The following CDH11 variants were observed in gnomAD, a reference collection of about 807,000 sequenced individuals.
CDH11 encodes the protein cadherin 11.
Under a neutral mutation model 67.8 loss-of-function variants are expected in CDH11, and 11 were observed. The ratio of observed to expected loss-of-function variants is 0.16; its 90% CI spans 0.10 to 0.27. CDH11 has a LOEUF of 0.27. CDH11 is among the 10% of genes least tolerant of loss of function. The pLI, the probability that CDH11 is intolerant of heterozygous loss-of-function variation, is 1.00. For synonymous variants in CDH11, 419 were observed against 400.0 expected (o/e 1.05, Z -0.57); for missense variants, 847 against 1,031.2 (o/e 0.82, Z 2.45).
At chr16:65,012,443 T>C (rs2073202974) in intron 2 of CDH11, among the ~76,000 whole-genome samples, 1 of 152,150 alleles carries the variant, frequency 6.6e-6, no homozygotes, top group African/African-American at 2.4e-5. Context: ...GTGAGGGAAC[T>C]AAAATAGGAA....
chr16:65,090,434 G>T (rs979672214), intron 1 of CDH11, among the ~76,000 whole-genome samples: 4 of 151,916 alleles, frequency 2.6e-5, no homozygotes, highest in African/African-American at 7.3e-5. Context: ...AACAAGTCTT[G>T]GTCCAATCCT....
intron 9 of CDH11, 103 bp from the exon 10 acceptor site, chr16:64,972,167 A>G: frequency 1.0e-6 from 1 of 966,306 alleles, no homozygotes; most frequent in Non-Finnish European, 1.6e-6. Flanking sequence ...CTATCTGGGC[A>G]GTGCAGGGAA....
chr16:64,991,987 A>T (rs2072639902), intron 5 of CDH11, 52 bp from the exon 6 acceptor site: 3 of 1,368,094 alleles, frequency 2.2e-6, no homozygotes, highest in Non-Finnish European at 3.0e-6. Flanking sequence ...ACATTATGAC[A>T]ACAAGAAAGT....
chr16:64,949,431 T>C (rs2071292383), intron 12 of CDH11, among the ~76,000 whole-genome samples: 3 of 148,332 alleles, frequency 2.0e-5, no homozygotes, highest in East Asian at 2.0e-4. Flanking sequence ...TTTTCTTTTT[T>C]TTTTTTTTTT....
intron 1 of CDH11, among the ~76,000 whole-genome samples, chr16:65,083,829 A>C (rs2074651260): frequency 6.6e-6 from 1 of 152,206 alleles, no homozygotes; most frequent in Non-Finnish European, 1.5e-5. Context: ...ATAAATTTAA[A>C]AATTGAATCT....
At chr16:64,991,638 G>C in intron 6 of CDH11, 130 bp downstream of exon 6, 1 of 563,596 alleles carries the variant, frequency 1.8e-6, no homozygotes, top group Non-Finnish European at 3.2e-6. Context: ...GTTTTTGTAA[G>C]AATGATATGA....
At chr16:65,013,973 C>A (rs948966733) in intron 2 of CDH11, among the ~76,000 whole-genome samples, 4 of 152,156 alleles carry the variant, frequency 2.6e-5, no homozygotes, top group Non-Finnish European at 5.9e-5. Flanking sequence ...AAGGCGGGGA[C>A]CTTTTCTTTG....
chr16:64,943,896 C>T lies in CDH11; in HGVS notation c.*3707G>A, dbSNP rs1304759964. 2 of 229,514 alleles carry T rather than the reference C, an allele frequency of 8.7e-6. No individual in the cohort carries two copies. Among genetic ancestry groups the T allele is most frequent in the Non-Finnish European group, 1.7e-5 (2 of 115,720 alleles). 14.2% of individuals were successfully genotyped at this position (229,514 alleles called of 1,614,324 possible). ...TTCTAGTGGGGCAGTCAGTCCCACCCACCCACACACATACATAAAGCCAAA... is the reference window on the plus strand; with the variant it reads ...TTCTAGTGGGGCAGTCAGTCCCACCTACCCACACACATACATAAAGCCAAA... On this transcript the variant is annotated 3_prime_UTR_variant, in exon 13 of 13. Transcript: ENST00000268603.
At chr16:65,089,005 G>C (rs977532714) in intron 1 of CDH11, among the ~76,000 whole-genome samples, 1 of 152,146 alleles carries the variant, frequency 6.6e-6, no homozygotes, top group Non-Finnish European at 1.5e-5. Context: ...GTGCATTTGG[G>C]AATTTTGTTT....
chr16:65,069,126 A>G (rs1261528561), intron 1 of CDH11, among the ~76,000 whole-genome samples: 4 of 152,228 alleles, frequency 2.6e-5, no homozygotes, highest in African/African-American at 9.6e-5. Context: ...TAAAGTTACA[A>G]TTGCCTTGTT....
intron 11 of CDH11, among the ~76,000 whole-genome samples, chr16:64,955,556 T>C (rs940074757): frequency 2.6e-5 from 4 of 152,060 alleles, no homozygotes; most frequent in Admixed American, 6.5e-5. Flanking sequence ...CTGGGCAACA[T>C]AGCGAGACCT....
intron 2 of CDH11, among the ~76,000 whole-genome samples, chr16:65,048,016 G>T (rs973475196): frequency 6.6e-6 from 1 of 152,192 alleles, no homozygotes; most frequent in South Asian, 2.1e-4. Context: ...AAGAAGAGGG[G>T]TTCTTTGGAA....
chr16:65,059,497 G>T (rs1225699269), intron 1 of CDH11: 1 of 152,158 alleles, frequency 6.6e-6, no homozygotes, highest in Admixed American at 6.5e-5. Context: ...AGAGTCCATT[G>T]TCACCATGGT....
intron 2 of CDH11, among the ~76,000 whole-genome samples, chr16:65,019,295 C>G (rs2073376220): frequency 6.6e-6 from 1 of 152,114 alleles, no homozygotes; most frequent in Non-Finnish European, 1.5e-5. Context: ...AGACAGAACT[C>G]CAGGTTGCCA....
chr16:65,009,130 G>C (rs190533530), intron 2 of CDH11, among the ~76,000 whole-genome samples: 1 of 152,264 alleles, frequency 6.6e-6, no homozygotes, highest in Non-Finnish European at 1.5e-5. Flanking sequence ...TTTTACCTAA[G>C]AGAAGGCTGC....
rs1218338629 is a variant in CDH11 at position 64,946,545 on chromosome 16, A to G, written c.*1058T>C. The stretch of plus-strand genomic sequence containing the variant: ...TCTTTTTTAGAAGATGTGTGTGAAG[A>G]GAAGCCAGGAGGTTAACACCAAGAA... On this transcript the variant is annotated 3_prime_UTR_variant, in exon 13 of 13. Transcript: ENST00000268603. The G allele has an allele frequency of 5.8e-6, 6 of 1,032,504 alleles. No individual in the cohort carries two copies. Among genetic ancestry groups the G allele is most frequent in the Non-Finnish European group, 7.0e-6 (6 of 858,324 alleles). The allele number at this position is 1,032,504 out of a possible 1,614,324, so 64.0% of individuals were successfully genotyped here.
At chr16:65,116,078 T>C (rs1445237189) in intron 1 of CDH11, among the ~76,000 whole-genome samples, 1 of 152,206 alleles carries the variant, frequency 6.6e-6, no homozygotes, top group African/African-American at 2.4e-5. Flanking sequence ...TGCTGGGCAC[T>C]ATTGCTTCCA....
In CDH11 at chr16:64,947,596, G is replaced by A. The variant is rs146428080; in HGVS notation, c.*7C>T. ...CAGTTCTTAAGGCCAAATTTGTATC[G>A]TTATTGTTAAGAATCGTCATCAAAA... On this transcript the variant is annotated 3_prime_UTR_variant, in exon 13 of 13. Transcript: ENST00000268603. 2,364 of 1,600,396 alleles carry A rather than the reference G, an allele frequency of 1.5e-3. 2 individuals are homozygous for A. The highest frequency in any genetic ancestry group is 1.8e-3 in the Non-Finnish European group (2,095 of 1,169,962).
intron 1 of CDH11, among the ~76,000 whole-genome samples, chr16:65,109,397 G>A (rs941852214): frequency 6.6e-6 from 1 of 152,168 alleles, no homozygotes; most frequent in Non-Finnish European, 1.5e-5. Flanking sequence ...GTTGTGGGAT[G>A]GTATGAGACT....
Sources: gnomAD v4.1 joint callset for allele counts (sites outside exome capture counted in the v4.1 genomes callset) on GRCh38, gnomAD v4.1.1 for gene constraint, MANE v1.5 for transcripts, NCBI Gene and HGNC (gene_info 2026-07-23, HGNC 2026-07-21) for gene names.